The following SLC25A21 variants were observed in gnomAD, a reference collection of about 807,000 sequenced individuals.
SLC25A21 encodes the protein mitochondrial 2-oxodicarboxylate carrier.
A neutral mutation model predicts 43.8 loss-of-function variants in SLC25A21; 47 were observed. The ratio of observed to expected loss-of-function variants is 1.07; its 90% confidence interval spans 0.85 to 1.37. The LOEUF (loss-of-function observed/expected upper bound fraction) is 1.37, where lower values mean the gene tolerates loss of function less well. Among genes scored for constraint, SLC25A21 ranks in the 40% most tolerant of loss-of-function variants. The probability of loss-of-function intolerance (pLI) is 0.00; values close to 1 mark genes in which losing one functional copy is unlikely to be tolerated. For synonymous variants in SLC25A21, 131 were observed against 121.3 expected, an observed-to-expected ratio of 1.08 and a Z score of -0.52; for missense variants, 352 against 350.2, an observed-to-expected ratio of 1.00 and a Z score of -0.04.
intron 3 of SLC25A21, among the ~76,000 whole-genome samples, chr14:36,793,796 A>T (rs1213333089): frequency 2.6e-5 from 4 of 151,658 alleles, no homozygotes; most frequent in Non-Finnish European, 5.9e-5. Flanking sequence ...TATGGCCTTT[A>T]TTCTCCTCTG....
intron 2 of SLC25A21, among the ~76,000 whole-genome samples, chr14:36,845,884 TTTA>T (rs1408789644): frequency 2.0e-5 from 3 of 152,236 alleles, no homozygotes; most frequent in Non-Finnish European, 4.4e-5. Context: ...CCTGCCTCTG[TTTA>T]TTATTCAGTT....
intron 1 of SLC25A21, among the ~76,000 whole-genome samples, chr14:37,144,794 T>G (rs12893522): frequency 1.5e-5 from 2 of 133,628 alleles, no homozygotes; most frequent in Non-Finnish European, 3.4e-5. Context: ...GTTTTTTTTT[T>G]TGTTTTTTTA....
chr14:37,022,223 T>TA (rs1263366250), intron 1 of SLC25A21, among the ~76,000 whole-genome samples: 2 of 152,018 alleles, frequency 1.3e-5, no homozygotes, highest in East Asian at 3.9e-4. Flanking sequence ...TAAAAAAACT[T>TA]ACTTTGTAAT....
At chr14:36,888,128 A>G (rs1338351127) in intron 1 of SLC25A21, among the ~76,000 whole-genome samples, 1 of 152,194 alleles carries the variant, frequency 6.6e-6, no homozygotes, top group Admixed American at 6.5e-5. Flanking sequence ...AACACTTACC[A>G]GCATGCTACT....
intron 1 of SLC25A21, among the ~76,000 whole-genome samples, chr14:36,881,702 T>C (rs1890732655): frequency 6.6e-6 from 1 of 152,274 alleles, no homozygotes; most frequent in East Asian, 1.9e-4. Flanking sequence ...CAACTCCTAA[T>C]GGAACACATA....
intron 1 of SLC25A21, among the ~76,000 whole-genome samples, chr14:37,063,060 AG>A (rs1405281095): frequency 6.6e-6 from 1 of 152,160 alleles, no homozygotes; most frequent in Non-Finnish European, 1.5e-5. Flanking sequence ...TGCCCAGCAA[AG>A]GGGGAAGCCC....
At chr14:36,926,883 A>T (rs1229740647) in intron 1 of SLC25A21, among the ~76,000 whole-genome samples, 2 of 152,158 alleles carry the variant, frequency 1.3e-5, no homozygotes, top group East Asian at 3.9e-4. Context: ...AATAGTAACC[A>T]GGCCAGGTGT....
intron 7 of SLC25A21, among the ~76,000 whole-genome samples, chr14:36,700,775 A>C (rs1883247943): frequency 6.6e-6 from 1 of 152,240 alleles, no homozygotes; most frequent in African/African-American, 2.4e-5. Flanking sequence ...TTAATAAAAC[A>C]TAATAAACAA....
At chr14:36,930,165 G>A (rs1034470497) in intron 1 of SLC25A21, among the ~76,000 whole-genome samples, 1 of 152,102 alleles carries the variant, frequency 6.6e-6, no homozygotes, top group Admixed American at 6.6e-5. Context: ...TTCCAAGTGA[G>A]AACTGCCTTG....
chr14:36,979,096 CA>C (rs1161636060), intron 1 of SLC25A21, among the ~76,000 whole-genome samples: 1 of 151,996 alleles, frequency 6.6e-6, no homozygotes, highest in Non-Finnish European at 1.5e-5. Context: ...TCAAAAAAAA[CA>C]GTTTACTGTA....
intron 1 of SLC25A21, among the ~76,000 whole-genome samples, chr14:36,929,233 G>C (rs749348514): frequency 2.6e-5 from 4 of 152,134 alleles, no homozygotes; most frequent in African/African-American, 4.8e-5. Flanking sequence ...ATGATGCCTA[G>C]AACACAGTGG....
intron 2 of SLC25A21, among the ~76,000 whole-genome samples, chr14:36,868,658 T>C (rs763195072): frequency 2.0e-5 from 3 of 152,226 alleles, no homozygotes; most frequent in Non-Finnish European, 2.9e-5. Flanking sequence ...TGAAAATGCA[T>C]GTTTCTCTTA....
In SLC25A21 at chr14:36,873,974, T is replaced by C. The variant is rs76601758; in HGVS notation, c.119+982A>G. Among the ~76,000 whole-genome samples the C allele has an allele frequency of 6.3e-3, 956 of 152,294 alleles. 8 individuals are homozygous for C. Among genetic ancestry groups the C allele is most frequent in the African/African-American group, 0.021 (865 of 41,562 alleles). ...TCTGTTGTTTAAGCCACCCAGTCTA[T>C]AATATTTTGTTACAGCAGCTCCATC... On this transcript the variant is annotated intron_variant, in intron 2 of 9. Coordinates refer to ENST00000331299, the MANE Select transcript of SLC25A21 (RefSeq NM_030631.4).
intron 3 of SLC25A21, among the ~76,000 whole-genome samples, chr14:36,758,395 T>C (rs1886012732): frequency 1.3e-5 from 2 of 152,056 alleles, no homozygotes; most frequent in South Asian, 4.1e-4. Context: ...CACAGAAGAC[T>C]CCCTCTGGGC....
intron 1 of SLC25A21, among the ~76,000 whole-genome samples, chr14:37,046,532 A>G (rs1337310507): frequency 2.0e-5 from 3 of 152,184 alleles, no homozygotes; most frequent in African/African-American, 7.2e-5. Context: ...TTTGTTAAAT[A>G]CCACTCCCTA....
chr14:36,896,008 T>C (rs1457847328), intron 1 of SLC25A21, among the ~76,000 whole-genome samples: 1 of 152,230 alleles, frequency 6.6e-6, no homozygotes, highest in Non-Finnish European at 1.5e-5. Flanking sequence ...GAAAAGAATG[T>C]ATATTCTGTT....
At chr14:36,786,648 T>C (rs1246072097) in intron 3 of SLC25A21, among the ~76,000 whole-genome samples, 1 of 152,150 alleles carries the variant, frequency 6.6e-6, no homozygotes, top group African/African-American at 2.4e-5. Context: ...ATCACTCTAA[T>C]TTTTTTTCTC....
At chr14:36,822,775 T>A (rs1275125413) in intron 2 of SLC25A21, among the ~76,000 whole-genome samples, 1 of 152,210 alleles carries the variant, frequency 6.6e-6, no homozygotes, top group East Asian at 1.9e-4. Context: ...TTTCCTGTGA[T>A]CCTAGACACA....
intron 2 of SLC25A21, among the ~76,000 whole-genome samples, chr14:36,841,813 C>T (rs897340215): frequency 6.6e-6 from 1 of 152,176 alleles, no homozygotes; most frequent in Non-Finnish European, 1.5e-5. Context: ...TCTCCTCCAA[C>T]CCATACTCCC....
Sources: allele counts gnomAD v4.1 joint callset (sites outside exome capture counted in the v4.1 genomes callset), GRCh38; gene constraint gnomAD v4.1.1; transcripts MANE v1.5; gene names NCBI Gene and HGNC (gene_info 2026-07-23, HGNC 2026-07-21).